The following PKD2L2 variants were observed in gnomAD, a reference collection of about 807,000 sequenced individuals.
PKD2L2 encodes the protein polycystin 2 like 2, transient receptor potential cation channel, also known as polycystin-2-like protein 2.
In PKD2L2, 67 loss-of-function variants were observed where a neutral mutation model predicts 83.9. The ratio of observed to expected loss-of-function variants is 0.80; its 90% CI spans 0.66 to 0.98. The LOEUF (loss-of-function observed/expected upper bound fraction) is 0.98. Ranked by LOEUF, PKD2L2 falls within the 50% of genes least tolerant of loss-of-function variation. The pLI, the probability that PKD2L2 is intolerant of heterozygous loss-of-function variation, is 0.00. For synonymous variants in PKD2L2, 223 were observed against 237.8 expected (o/e 0.94, Z 0.57); for missense variants, 632 against 717.2 (o/e 0.88, Z 1.36).
chr5:137,939,510 T>C (rs1141538), intron 14 of PKD2L2: 113,179 of 153,260 alleles, frequency 0.74, 42,454 homozygotes, highest in East Asian at 0.97. Context: ...ATAGGCAGCA[T>C]GTGGTATGAT....
chr5:137,896,424 C>T (rs1213640785), intron 4 of PKD2L2, among the ~76,000 whole-genome samples: 7 of 151,590 alleles, frequency 4.6e-5, no homozygotes, highest in Non-Finnish European at 1.0e-4. Flanking sequence ...TTGTTTTTTT[C>T]GTTAGGGGCA....
Position 137,921,596 on chromosome 5 carries a change from C to A in PKD2L2, c.1329-40C>A, listed in dbSNP as rs764308508. On this transcript the variant is annotated intron_variant, in intron 8 of 14. Coordinates refer to ENST00000508883, the MANE Select transcript of PKD2L2 (RefSeq NM_001300921.2). ...ACTCCCATCAGTTGTCATGTATGTA[C>A]ATAAAGGTATATATTTTCTACTGTT... The A allele has an allele frequency of 3.1e-6, 4 of 1,305,746 alleles. No individual in the cohort carries two copies. In the African/African-American group the frequency reaches 5.9e-5, roughly 19 times the overall value. 80.9% of individuals were successfully genotyped at this position (1,305,746 alleles called of 1,614,324 possible).
At chr5:137,937,873 T>C (rs1248562436) in intron 14 of PKD2L2, 1 of 152,014 alleles carries the variant, frequency 6.6e-6, no homozygotes, top group African/African-American at 2.4e-5. Context: ...GTGGGATCAT[T>C]TAAACAAAGC....
chr5:137,921,397 T>C (rs1197473472), intron 8 of PKD2L2, among the ~76,000 whole-genome samples: 56 of 151,514 alleles, frequency 3.7e-4, no homozygotes, highest in Non-Finnish European at 5.9e-5. Flanking sequence ...AACACTGAGT[T>C]CACATTCATT....
chr5:137,925,020 C>T lies in PKD2L2; in HGVS notation c.1552-20C>T. 2 of 1,438,124 alleles carry T rather than the reference C, an allele frequency of 1.4e-6. No individual in the cohort carries two copies. The highest frequency in any genetic ancestry group is 2.0e-6 in the Non-Finnish European group (2 of 1,024,688). 89.1% of individuals were successfully genotyped at this position (1,438,124 alleles called of 1,614,324 possible). On this transcript the variant is annotated intron_variant, in intron 10 of 14. Coordinates refer to ENST00000508883, the MANE Select transcript of PKD2L2 (RefSeq NM_001300921.2). ...GGATATATTTTAATGCATTTTCAAA[C>T]TATTTTAAATTATGCCCAGAGTTAC...
At chr5:137,899,894 C>A (rs1373088039) in intron 5 of PKD2L2, among the ~76,000 whole-genome samples, 157 bp downstream of exon 5, 7 of 151,780 alleles carry the variant, frequency 4.6e-5, no homozygotes. Context: ...TGTTTTGAAC[C>A]TTTGTGACAA....
At chr5:137,916,304 T>G (rs541179785) in intron 8 of PKD2L2, among the ~76,000 whole-genome samples, 6 of 151,996 alleles carry the variant, frequency 3.9e-5, no homozygotes, top group Admixed American at 2.0e-4. Flanking sequence ...GTTTCCCAAG[T>G]AGCTGGGATT....
At chr5:137,925,788 C>A in intron 11 of PKD2L2, 87 bp from the exon 12 acceptor site, 1 of 696,866 alleles carries the variant, frequency 1.4e-6, no homozygotes, top group Non-Finnish European at 2.5e-6. Context: ...TTATTCAGAT[C>A]CTTACTACAG....
At chr5:137,889,776 C>G (rs1460469932) in intron 1 of PKD2L2, among the ~76,000 whole-genome samples, 1 of 152,122 alleles carries the variant, frequency 6.6e-6, no homozygotes, top group Non-Finnish European at 1.5e-5. Flanking sequence ...GTCGAGTGAC[C>G]GTCGCTAGGC....
chr5:137,892,741 T>A (rs1328673579), intron 3 of PKD2L2, 128 bp downstream of exon 3: 18 of 771,016 alleles, frequency 2.3e-5, no homozygotes, highest in Admixed American at 5.9e-5. Context: ...CTTTAAACTA[T>A]TAGAAACAAC....
chr5:137,929,232 C>T (rs6869659), intron 12 of PKD2L2, among the ~76,000 whole-genome samples: 47,590 of 151,704 alleles, frequency 0.31, 7,637 homozygotes, highest in South Asian at 0.37. Context: ...GAGGCTGAGG[C>T]GGGTGGATCA....
At chr5:137,923,935 T>C (rs1759150987) in intron 10 of PKD2L2, among the ~76,000 whole-genome samples, 1 of 152,220 alleles carries the variant, frequency 6.6e-6, no homozygotes, top group Non-Finnish European at 1.5e-5. Flanking sequence ...TTTCTGTTCA[T>C]GGCTACACTA....
chr5:137,929,507 ACATATATTTCTATAGGAC>A, intron 12 of PKD2L2, among the ~76,000 whole-genome samples: 1 of 139,828 alleles, frequency 7.2e-6, no homozygotes, highest in African/African-American at 2.6e-5. Context: ...GAACAAAAAT[ACATATATTTCTATAGGAC>A]AAAATTGCCA....
chr5:137,897,351 C>A (rs1179112109), intron 4 of PKD2L2, among the ~76,000 whole-genome samples: 1 of 151,874 alleles, frequency 6.6e-6, no homozygotes, highest in African/African-American at 2.4e-5. Flanking sequence ...ACTATCACAC[C>A]CAGCCCATTC....
At chr5:137,922,817 G>A (rs886138351) in intron 9 of PKD2L2, among the ~76,000 whole-genome samples, 1 of 151,994 alleles carries the variant, frequency 6.6e-6, no homozygotes, top group African/African-American at 2.4e-5. Context: ...ATTAATTTGT[G>A]TATATATAAC....
At chr5:137,938,815 A>G (rs1760864207) in intron 14 of PKD2L2, 1 of 152,598 alleles carries the variant, frequency 6.6e-6, no homozygotes, top group Non-Finnish European at 1.5e-5. Context: ...CCATTTTTAT[A>G]TGGAATAAAT....
chr5:137,930,105 A>G (rs533322340), intron 12 of PKD2L2, among the ~76,000 whole-genome samples: 19 of 152,190 alleles, frequency 1.2e-4, no homozygotes, highest in South Asian at 4.1e-4. Flanking sequence ...AAACAAACGG[A>G]TTAAAAAGCC....
chr5:137,923,475 C>A lies in PKD2L2; in HGVS notation c.1505C>A (p.Ser502Ter). Residue 502 changes from serine to a stop codon, truncating the protein, a stop_gained, in exon 10 of 15, where the codon TCA becomes TAA. Coordinates refer to ENST00000508883, the MANE Select transcript of PKD2L2 (RefSeq NM_001300921.2). LOFTEE classifies it high-confidence loss of function. The part of the protein sequence containing the change: ...DTYSEVKADY[S>*]IGRRLDFELG... ...TATTCTGAAGTGAAAGCTGACTATT[C>A]AATAGGCAGAAGGCTAGATTTTGAA... 6.4e-7 allele frequency: 1 copy of A among 1,573,262 alleles called. No homozygotes were observed. The highest frequency in any genetic ancestry group is 1.1e-5 in the South Asian group (1 of 90,226).
intron 9 of PKD2L2, among the ~76,000 whole-genome samples, chr5:137,922,155 C>T (rs952506807): frequency 6.6e-6 from 1 of 152,216 alleles, no homozygotes; most frequent in Admixed American, 6.5e-5. Flanking sequence ...ATGGATCTCT[C>T]ACATGCACTC....
Sources: allele counts gnomAD v4.1 joint callset (sites outside exome capture counted in the v4.1 genomes callset), GRCh38; gene constraint gnomAD v4.1.1; transcripts MANE v1.5; gene names NCBI Gene and HGNC (gene_info 2026-07-23, HGNC 2026-07-21).